ZNF367: variants seen among roughly 807,000 people sequenced by gnomAD.
The protein encoded by ZNF367 is zinc finger protein 367, also known as C2H2 zinc finger protein ZFF29.
ZNF367 carries 11 observed loss-of-function variants against 31.8 expected under a neutral mutation model. The observed-to-expected ratio is 0.35, with a 90% confidence interval of 0.22 to 0.57. ZNF367 has a LOEUF of 0.57. ZNF367 is among the 20% of genes least tolerant of loss of function. The probability of loss-of-function intolerance (pLI) is 0.85; values close to 1 mark genes in which losing one functional copy is unlikely to be tolerated. For missense variants in ZNF367, 353 were observed against 484.1 expected (o/e 0.73, Z 2.54); for synonymous variants, 199 against 202.4 (o/e 0.98, Z 0.14).
intron 1 of ZNF367, among the ~76,000 whole-genome samples, chr9:96,413,160 C>T (rs534804924): frequency 1.3e-5 from 2 of 152,316 alleles, no homozygotes; most frequent in African/African-American, 4.8e-5. Flanking sequence ...ACTTACCATA[C>T]AATCTTAACT....
chr9:96,407,980 A>AAAATAAATAAATAAAT (rs3045262), intron 1 of ZNF367, among the ~76,000 whole-genome samples: 12 of 148,448 alleles, frequency 8.1e-5, no homozygotes, highest in African/African-American at 2.7e-4. Context: ...AATGGAACAC[A>AAAATAAATAAATAAAT]AAATAAATAA....
chr9:96,418,354 C>T lies in ZNF367; in HGVS notation c.-322G>A, dbSNP rs1056215735. On this transcript the variant is annotated 5_prime_UTR_variant, in exon 1 of 5. Coordinates refer to ENST00000375256, the MANE Select transcript of ZNF367 (RefSeq NM_153695.4). ...CGCGGCGCTGAGCCCCCAAAAATAACAACCTGCCGCCGCGGTGCCTGCCCC... is the reference window on the plus strand; with the variant it reads ...CGCGGCGCTGAGCCCCCAAAAATAATAACCTGCCGCCGCGGTGCCTGCCCC... 9 of 340,628 alleles carry T rather than the reference C, an allele frequency of 2.6e-5. No homozygotes were observed. The Admixed American group carries it at 3.4e-4, about 13-fold the overall frequency. 21.1% of individuals were successfully genotyped at this position (340,628 alleles called of 1,614,324 possible).
chr9:96,407,736 G>T, intron 1 of ZNF367: 1 of 1,382,340 alleles, frequency 7.2e-7, no homozygotes, highest in South Asian at 1.4e-5. Context: ...TTACTAACGT[G>T]TGCTTTGTTG....
intron 1 of ZNF367, among the ~76,000 whole-genome samples, chr9:96,399,540 G>A (rs895904318): frequency 5.3e-5 from 8 of 152,078 alleles, no homozygotes; most frequent in South Asian, 2.1e-4. Context: ...ACAAAGTGTC[G>A]GGCGTGGTAG....
At chr9:96,400,598 A>T (rs777570303) in intron 1 of ZNF367, among the ~76,000 whole-genome samples, 9 of 152,114 alleles carry the variant, frequency 5.9e-5, no homozygotes, top group Non-Finnish European at 1.2e-4. Flanking sequence ...ATTTGAACTG[A>T]TAGAACAATC....
chr9:96,418,090 G>T lies in ZNF367; in HGVS notation c.-58C>A. 2 of 1,315,734 alleles carry T rather than the reference G, an allele frequency of 1.5e-6. No homozygotes were observed. Among genetic ancestry groups the T allele is most frequent in the Non-Finnish European group, 1.9e-6 (2 of 1,033,770 alleles). 81.5% of individuals were successfully genotyped at this position (1,315,734 alleles called of 1,614,324 possible). A position where few individuals can be genotyped will look rare whatever the true frequency, so the allele number is the denominator to read the frequency against. ...GGGCCGCACTCCTGAGCACCGCTCT[G>T]CCCCTCACTCGCTCTGCTCCGAGTC... On this transcript the variant is annotated 5_prime_UTR_variant, in exon 1 of 5. Transcript: ENST00000375256.
intron 1 of ZNF367, among the ~76,000 whole-genome samples, chr9:96,415,512 TTTTG>T (rs1440228020): frequency 1.3e-4 from 15 of 119,820 alleles, no homozygotes; most frequent in African/African-American, 4.8e-4. Flanking sequence ...TTTTTTTTTT[TTTTG>T]AGACGGAGTC....
chr9:96,412,891 T>C (rs1408804911), intron 1 of ZNF367, among the ~76,000 whole-genome samples: 1 of 151,976 alleles, frequency 6.6e-6, no homozygotes, highest in Non-Finnish European at 1.5e-5. Flanking sequence ...AGAGACAGGG[T>C]TTCACCATGT....
At chr9:96,410,212 T>C (rs1831725432) in intron 1 of ZNF367, among the ~76,000 whole-genome samples, 1 of 139,338 alleles carries the variant, frequency 7.2e-6, no homozygotes, top group Non-Finnish European at 1.5e-5. Context: ...GTGGCCGAGA[T>C]CGCACCACTG....
At chr9:96,401,710 C>T (rs1203554247) in intron 1 of ZNF367, among the ~76,000 whole-genome samples, 1 of 150,578 alleles carries the variant, frequency 6.6e-6, no homozygotes, top group Non-Finnish European at 1.5e-5. Flanking sequence ...CACTTGTAAT[C>T]CCAGCTACTC....
At chr9:96,395,415 C>G (rs1430270208) in intron 2 of ZNF367, among the ~76,000 whole-genome samples, 1 of 152,138 alleles carries the variant, frequency 6.6e-6, no homozygotes, top group Non-Finnish European at 1.5e-5. Context: ...CTGAACCACC[C>G]CCAAATCCTA....
intron 1 of ZNF367, among the ~76,000 whole-genome samples, chr9:96,402,283 AAAG>A (rs1158230080): frequency 6.6e-6 from 1 of 152,052 alleles, no homozygotes; most frequent in African/African-American, 2.4e-5. Context: ...AAACAAAAGA[AAAG>A]AAGAAAGAAC....
chr9:96,404,790 A>T (rs1464725101), intron 1 of ZNF367, among the ~76,000 whole-genome samples: 3 of 152,208 alleles, frequency 2.0e-5, no homozygotes, highest in Admixed American at 6.5e-5. Flanking sequence ...TTTGTACATC[A>T]CAGGACATTA....
At position 96,407,421 on chromosome 9, in the gene ZNF367, G is replaced by A. The variant is rs964190599; in HGVS notation, c.421-9107C>T. The A allele has an allele frequency of 3.4e-4, 495 of 1,449,356 alleles. 3 individuals are homozygous for A. In the Middle Eastern group the frequency reaches 5.3e-3, roughly 16 times the overall value. 89.8% of individuals were successfully genotyped at this position (1,449,356 alleles called of 1,614,324 possible). A position where few individuals can be genotyped will look rare whatever the true frequency, so the allele number is the denominator to read the frequency against. ...AGGCAAAGAAAATGATTGGTCTGAA[G>A]GCTAAGCTTTAACATAAACAGCGCC... On this transcript the variant is annotated intron_variant, in intron 1 of 4. Coordinates refer to ENST00000375256, the MANE Select transcript of ZNF367 (RefSeq NM_153695.4).
At chr9:96,400,221 AC>A (rs1487194002) in intron 1 of ZNF367, among the ~76,000 whole-genome samples, 7 of 151,526 alleles carry the variant, frequency 4.6e-5, no homozygotes, top group African/African-American at 1.5e-4. Flanking sequence ...ACATAGCAAG[AC>A]CCCCTTTCTA....
rs1490455487 is a variant in ZNF367 at position 96,398,062 on chromosome 9, C to CCTGGG, written c.571+97_571+101dup. On this transcript the variant is annotated intron_variant, in intron 2 of 4. Coordinates refer to ENST00000375256, the MANE Select transcript of ZNF367 (RefSeq NM_153695.4). ...CCAAGATCGCGCCACTGCACTCCAG[C>CCTGGG]CTGGGCAACAGAGCGAGACTATCTC... 3.3e-6 allele frequency: 4 copies of CCTGGG among 1,224,790 alleles called. No individual in the cohort carries two copies. In the African/African-American group the frequency reaches 6.7e-5, roughly 20 times the overall value. 75.9% of individuals were successfully genotyped at this position (1,224,790 alleles called of 1,614,324 possible). A position where few individuals can be genotyped will look rare whatever the true frequency, so the allele number is the denominator to read the frequency against.
chr9:96,393,990 TATACTG>T (rs1180684262), intron 3 of ZNF367, among the ~76,000 whole-genome samples: 1 of 152,192 alleles, frequency 6.6e-6, no homozygotes, highest in African/African-American at 2.4e-5. Flanking sequence ...GAACTTCAAA[TATACTG>T]TAACTGCATA....
At chr9:96,411,955 G>C (rs1465037873) in intron 1 of ZNF367, among the ~76,000 whole-genome samples, 1 of 152,164 alleles carries the variant, frequency 6.6e-6, no homozygotes, top group East Asian at 1.9e-4. Flanking sequence ...AGCCTCCCAA[G>C]TAGCTGGGAC....
At chr9:96,402,619 A>ATTTTTT (rs61651699) in intron 1 of ZNF367, among the ~76,000 whole-genome samples, 7 of 70,202 alleles carry the variant, frequency 1.0e-4, no homozygotes, top group Non-Finnish European at 1.2e-4. Context: ...CGCCTGGCTA[A>ATTTTTT]TTTTTTTTTT....
Sources: allele counts gnomAD v4.1 joint callset (sites outside exome capture counted in the v4.1 genomes callset), GRCh38; gene constraint gnomAD v4.1.1; transcripts MANE v1.5; gene names NCBI Gene and HGNC (gene_info 2026-07-23, HGNC 2026-07-21).